Variants in ARHGAP26 observed in about 807,000 individuals in gnomAD.
ARHGAP26 encodes rho GTPase-activating protein 26.
Under a neutral mutation model 104.8 loss-of-function variants are expected in ARHGAP26, and 38 were observed. The observed-to-expected ratio is 0.36, with a 90% CI of 0.28 to 0.48. The LOEUF (loss-of-function observed/expected upper bound fraction) is 0.48. Ranked by LOEUF, ARHGAP26 falls within the 20% of genes least tolerant of loss-of-function variation. The probability of loss-of-function intolerance (pLI) is 0.99; values close to 1 mark genes in which losing one functional copy is unlikely to be tolerated. For synonymous variants in ARHGAP26, 341 were observed against 340.0 expected, an observed-to-expected ratio of 1.00 and a Z score of -0.03; for missense variants, 704 against 947.9, an observed-to-expected ratio of 0.74 and a Z score of 3.38.
intron 12 of ARHGAP26, among the ~76,000 whole-genome samples, chr5:143,025,518 G>T (rs544154046): frequency 6.6e-6 from 1 of 152,218 alleles, no homozygotes; most frequent in Non-Finnish European, 1.5e-5. Flanking sequence ...AAACCACCGG[G>T]CCTTAAGGCA....
intron 20 of ARHGAP26, among the ~76,000 whole-genome samples, chr5:143,196,548 C>T (rs1806863950): frequency 6.6e-6 from 1 of 152,188 alleles, no homozygotes; most frequent in Admixed American, 6.5e-5. Context: ...GATTTATTAA[C>T]ATTGAACTTA....
At chr5:143,007,194 GAA>G (rs34602049) in intron 11 of ARHGAP26, among the ~76,000 whole-genome samples, 1,927 of 69,482 alleles carry the variant, frequency 0.028, 29 homozygotes, top group African/African-American at 0.078. Context: ...CTCTGTCTCC[GAA>G]AAAAAAAAAA....
intron 1 of ARHGAP26, among the ~76,000 whole-genome samples, chr5:142,820,927 T>C (rs77003723): frequency 0.03 from 4,622 of 152,260 alleles, 96 homozygotes; most frequent in South Asian, 0.081. Flanking sequence ...TGACTAGCCT[T>C]CTGTCCCTCC....
chr5:143,147,004 C>T (rs1038370145), intron 19 of ARHGAP26, among the ~76,000 whole-genome samples: 1 of 152,300 alleles, frequency 6.6e-6, no homozygotes, highest in Admixed American at 6.5e-5. Flanking sequence ...GAGATATATC[C>T]TGTTATGACG....
intron 12 of ARHGAP26, among the ~76,000 whole-genome samples, chr5:143,019,904 G>T (rs1780086186): frequency 6.6e-6 from 1 of 152,174 alleles, no homozygotes; most frequent in Non-Finnish European, 1.5e-5. Flanking sequence ...CTCAATGTGG[G>T]TATTAACTCA....
At position 143,147,195 on chromosome 5, in the gene ARHGAP26, A is replaced by C. The variant is rs570205190; in HGVS notation, c.1838-36A>C. On this transcript the variant is annotated intron_variant, in intron 19 of 22. Coordinates refer to ENST00000645722, the MANE Select transcript of ARHGAP26 (RefSeq NM_001135608.3). ...TAGCAATAGACTGTCCCTATGCAATAATATTAATATGGGACTTGTGGCTTT... is the reference window on the plus strand; with the variant it reads ...TAGCAATAGACTGTCCCTATGCAATCATATTAATATGGGACTTGTGGCTTT... The C allele has an allele frequency of 1.3e-4, 203 of 1,606,520 alleles. 2 individuals carry two copies. The South Asian group carries it at 2.1e-3, about 17-fold the overall frequency.
intron 17 of ARHGAP26, among the ~76,000 whole-genome samples, chr5:143,103,721 C>T (rs1793592705): frequency 6.6e-6 from 1 of 152,148 alleles, no homozygotes; most frequent in African/African-American, 2.4e-5. Flanking sequence ...TGCATGTTCT[C>T]ACTCGTAAGT....
chr5:143,142,176 G>A (rs879525904), intron 19 of ARHGAP26, among the ~76,000 whole-genome samples: 10 of 117,400 alleles, frequency 8.5e-5, no homozygotes, highest in East Asian at 2.6e-4. Context: ...TTGCTCTGTC[G>A]CCTAGGCTGT....
chr5:142,777,701 G>A (rs1756616992), intron 1 of ARHGAP26, among the ~76,000 whole-genome samples: 1 of 152,156 alleles, frequency 6.6e-6, no homozygotes, highest in Admixed American at 6.5e-5. Context: ...TAGAGTAATG[G>A]CTTTTTGGAT....
chr5:142,933,162 C>G (rs750583384), intron 11 of ARHGAP26, among the ~76,000 whole-genome samples: 2 of 152,164 alleles, frequency 1.3e-5, no homozygotes, highest in Non-Finnish European at 2.9e-5. Flanking sequence ...CACATTTCTA[C>G]CTTTGAGGCT....
chr5:142,842,088 G>A (rs768197662), intron 1 of ARHGAP26, among the ~76,000 whole-genome samples: 4 of 152,158 alleles, frequency 2.6e-5, no homozygotes, highest in Non-Finnish European at 5.9e-5. Context: ...GGGAACATTT[G>A]GTTCAGATTA....
At chr5:142,926,787 C>T (rs1390197666) in intron 10 of ARHGAP26, among the ~76,000 whole-genome samples, 1 of 152,136 alleles carries the variant, frequency 6.6e-6, no homozygotes, top group Non-Finnish European at 1.5e-5. Flanking sequence ...ACTATACACA[C>T]CTGCCCTTCT....
chr5:142,864,117 C>G (rs1043617139), intron 1 of ARHGAP26, among the ~76,000 whole-genome samples: 1 of 152,084 alleles, frequency 6.6e-6, no homozygotes, highest in Non-Finnish European at 1.5e-5. Flanking sequence ...AATTCACCAC[C>G]CCCTCCCCTT....
intron 17 of ARHGAP26, among the ~76,000 whole-genome samples, chr5:143,114,141 G>A (rs1795125328): frequency 6.6e-6 from 1 of 152,170 alleles, no homozygotes; most frequent in Non-Finnish European, 1.5e-5. Context: ...ATTATTTCAG[G>A]CTTCCTGTCT....
At chr5:142,857,108 C>T (rs531907089) in intron 1 of ARHGAP26, among the ~76,000 whole-genome samples, 12 of 152,102 alleles carry the variant, frequency 7.9e-5, no homozygotes, top group African/African-American at 2.7e-4. Flanking sequence ...GCCTTCTTCC[C>T]TGGGTGTGTG....
At chr5:142,798,378 T>C (rs1411890868) in intron 1 of ARHGAP26, among the ~76,000 whole-genome samples, 1 of 152,202 alleles carries the variant, frequency 6.6e-6, no homozygotes, top group Admixed American at 6.5e-5. Context: ...TTCCTCCTTT[T>C]ATGTCTCAGC....
chr5:143,187,105 C>T (rs1000793459), intron 20 of ARHGAP26, among the ~76,000 whole-genome samples: 2 of 152,082 alleles, frequency 1.3e-5, no homozygotes, highest in Non-Finnish European at 2.9e-5. Flanking sequence ...TTAATTATCA[C>T]CAATCCTATG....
At chr5:143,197,657 TTG>T (rs750766343) in intron 20 of ARHGAP26, among the ~76,000 whole-genome samples, 2 of 152,232 alleles carry the variant, frequency 1.3e-5, no homozygotes, top group Non-Finnish European at 2.9e-5. Context: ...CCTTTTAATA[TTG>T]TTTTTGATAT....
intron 17 of ARHGAP26, among the ~76,000 whole-genome samples, chr5:143,058,506 T>G (rs114134670): frequency 0.01 from 1,531 of 152,358 alleles, 28 homozygotes; most frequent in African/African-American, 0.035. Context: ...TGTGTGTGTG[T>G]TCTAACCTTC....
Sources: gnomAD v4.1 joint callset for allele counts (sites outside exome capture counted in the v4.1 genomes callset) on GRCh38, gnomAD v4.1.1 for gene constraint, MANE v1.5 for transcripts, NCBI Gene and HGNC (gene_info 2026-07-23, HGNC 2026-07-21) for gene names.